PRDM11: variants seen among roughly 807,000 people sequenced by gnomAD.
PRDM11 encodes the protein PR domain-containing protein 11.
A neutral mutation model predicts 97.8 loss-of-function variants in PRDM11; 20 were observed. The ratio of observed to expected loss-of-function variants is 0.20; its 90% CI spans 0.14 to 0.30. The LOEUF (loss-of-function observed/expected upper bound fraction) is 0.30. PRDM11 is among the 10% of genes least tolerant of loss of function. The probability of loss-of-function intolerance (pLI) is 1.00; values close to 1 mark genes in which losing one functional copy is unlikely to be tolerated. For missense variants in PRDM11, 1,139 were observed against 1,555.2 expected, an observed-to-expected ratio of 0.73 and a Z score of 4.50; for synonymous variants, 599 against 637.7, an observed-to-expected ratio of 0.94 and a Z score of 0.91.
At chr11:45,184,857 C>T (rs985835530) in intron 4 of PRDM11, among the ~76,000 whole-genome samples, 47 of 151,904 alleles carry the variant, frequency 3.1e-4, no homozygotes, top group Admixed American at 1.4e-3. Context: ...GGGTGTGGAG[C>T]GCAGAACCTA....
chr11:45,228,631 G>A lies in PRDM11; in HGVS notation c.*472G>A, dbSNP rs987401524. 18 of 152,128 alleles carry A rather than the reference G, an allele frequency of 1.2e-4. No homozygotes were observed. Among genetic ancestry groups the A allele is most frequent in the African/African-American group, 3.6e-4 (15 of 41,414 alleles). 9.4% of individuals were successfully genotyped at this position (152,128 alleles called of 1,614,324 possible). A position where few individuals can be genotyped will look rare whatever the true frequency, so the allele number is the denominator to read the frequency against. On this transcript the variant is annotated 3_prime_UTR_variant, in exon 8 of 8. Coordinates refer to ENST00000683152, the MANE Select transcript of PRDM11 (RefSeq NM_001384648.1). ...TTTTATGATGGGAGGGAGCTCCTCA[G>A]CCTCCTCATTGACATTCTGGTCCGG...
At chr11:45,107,329 C>T (rs991504594) in intron 1 of PRDM11, among the ~76,000 whole-genome samples, 7 of 152,192 alleles carry the variant, frequency 4.6e-5, no homozygotes, top group Non-Finnish European at 8.8e-5. Context: ...ACCTGCAAAA[C>T]GGGGCTAATT....
At chr11:45,179,691 T>C (rs1852419512) in intron 1 of PRDM11, among the ~76,000 whole-genome samples, 1 of 152,180 alleles carries the variant, frequency 6.6e-6, no homozygotes, top group African/African-American at 2.4e-5. Flanking sequence ...TGACCTCAAT[T>C]AATCTTGATC....
intron 1 of PRDM11, among the ~76,000 whole-genome samples, chr11:45,156,033 A>G (rs1374751953): frequency 6.6e-6 from 1 of 152,142 alleles, no homozygotes; most frequent in East Asian, 1.9e-4. Context: ...CAGGATATGA[A>G]CCTAGGTCTG....
At position 45,230,417 on chromosome 11, in the gene PRDM11, C is replaced by T. The variant is rs1295499261; in HGVS notation, c.*2258C>T. On this transcript the variant is annotated 3_prime_UTR_variant, in exon 8 of 8. Coordinates refer to ENST00000683152, the MANE Select transcript of PRDM11 (RefSeq NM_001384648.1). ...CTTCTGAGGCTTTGAGATTCCCAGC[C>T]CCATTCCACTTCCCCACTTTAAACT... The T allele has an allele frequency of 6.6e-6, 1 of 152,166 alleles. No individual in the cohort carries two copies. The highest frequency in any genetic ancestry group is 2.4e-5 in the African/African-American group (1 of 41,414). 9.4% of individuals were successfully genotyped at this position (152,166 alleles called of 1,614,324 possible). A position where few individuals can be genotyped will look rare whatever the true frequency, so the allele number is the denominator to read the frequency against.
intron 1 of PRDM11, among the ~76,000 whole-genome samples, chr11:45,157,006 G>T (rs1772522015): frequency 6.6e-6 from 1 of 152,156 alleles, no homozygotes; most frequent in Admixed American, 6.5e-5. Flanking sequence ...CAGGCCGGGA[G>T]GGCCTTGAAT....
At chr11:45,148,639 C>G (rs549055042) in intron 1 of PRDM11, among the ~76,000 whole-genome samples, 130 of 152,318 alleles carry the variant, frequency 8.5e-4, no homozygotes, top group Middle Eastern at 3.4e-3. Flanking sequence ...CACCTCTGCA[C>G]TTATGGACTC....
intron 1 of PRDM11, among the ~76,000 whole-genome samples, chr11:45,127,479 G>T (rs1852602195): frequency 6.6e-6 from 1 of 152,130 alleles, no homozygotes; most frequent in African/African-American, 2.4e-5. Context: ...ATCTACTTTT[G>T]GTCTTTGATG....
chr11:45,114,533 T>G (rs567601010), intron 1 of PRDM11, among the ~76,000 whole-genome samples: 1 of 152,236 alleles, frequency 6.6e-6, no homozygotes, highest in East Asian at 1.9e-4. Context: ...TTTGATAAAC[T>G]GTCCCAAACT....
intron 4 of PRDM11, among the ~76,000 whole-genome samples, chr11:45,188,472 A>C (rs140149006): frequency 6.6e-6 from 1 of 152,082 alleles, no homozygotes; most frequent in African/African-American, 2.4e-5. Flanking sequence ...GCCTCTTCTT[A>C]CCTCCTTGCC....
At chr11:45,138,754 A>G (rs567837767) in intron 1 of PRDM11, among the ~76,000 whole-genome samples, 3 of 152,264 alleles carry the variant, frequency 2.0e-5, no homozygotes, top group Non-Finnish European at 2.9e-5. Context: ...AAACAAAAAG[A>G]GCAATCAGAA....
intron 1 of PRDM11, among the ~76,000 whole-genome samples, chr11:45,160,058 G>A (rs1475725725): frequency 2.0e-5 from 3 of 152,206 alleles, no homozygotes; most frequent in African/African-American, 7.2e-5. Context: ...CTGATGCTCT[G>A]TGCTTCCTTA....
rs780392397 is a variant in PRDM11 at position 45,226,681 on chromosome 11, C to T, written c.2056C>T (p.Pro686Ser). Residue 686 changes from proline (P) to serine (S), a missense_variant, in exon 8 of 8, where the codon CCC becomes TCC. Pro to Ser is a moderately conservative substitution (Grantham distance 74). Transcript: ENST00000683152. ...VYVQYTSSDGPPATEFLSLQE... is the reference protein window; with the variant it reads ...VYVQYTSSDGSPATEFLSLQE... ...TGTTCAGTACACCAGCAGTGATGGG[C>T]CCCCGGCCACAGAGTTCCTGTCCCT... 3.2e-5 allele frequency: 49 copies of T among 1,533,852 alleles called. No individual in the cohort carries two copies. The highest frequency in any genetic ancestry group is 4.0e-5 in the Non-Finnish European group (46 of 1,146,740).
intron 1 of PRDM11, among the ~76,000 whole-genome samples, chr11:45,130,992 GAC>G (rs1481030092): frequency 1.3e-5 from 2 of 152,142 alleles, no homozygotes; most frequent in Non-Finnish European, 2.9e-5. Context: ...CCAAGAGTTA[GAC>G]ACAACTCAAA....
In PRDM11 at chr11:45,191,386, T is replaced by C. The variant is rs907252380; in HGVS notation, c.486+8263T>C. Among the ~76,000 whole-genome samples, 38 of 152,306 alleles carry C rather than the reference T, an allele frequency of 2.5e-4. 1 individual carries two copies. The highest frequency in any genetic ancestry group is 2.4e-3 in the Admixed American group (36 of 15,300). On this transcript the variant is annotated intron_variant, in intron 4 of 7. Transcript: ENST00000683152. ...CAATTATTATTCATGGTTAAAATGATTTTTCTATTTTTTCTCTTCTACATT... is the reference window on the plus strand; with the variant it reads ...CAATTATTATTCATGGTTAAAATGACTTTTCTATTTTTTCTCTTCTACATT...
chr11:45,164,892 G>A lies in PRDM11; in HGVS notation c.-6-16869G>A, dbSNP rs569183176. On this transcript the variant is annotated intron_variant, in intron 1 of 7. Transcript: ENST00000683152. Reference sequence around the variant, plus strand: ...AAAGGAAAATCCCAAAGGCCTCATTGTGCAGATGGGTAAACTGAGGCTCAG... The same window carrying A: ...AAAGGAAAATCCCAAAGGCCTCATTATGCAGATGGGTAAACTGAGGCTCAG... Among the ~76,000 whole-genome samples, 5 of 152,266 alleles carry A rather than the reference G, an allele frequency of 3.3e-5. No individual in the cohort carries two copies. The South Asian group carries it at 1.0e-3, about 32-fold the overall frequency.
At chr11:45,196,277 C>T (rs1191348819) in intron 4 of PRDM11, among the ~76,000 whole-genome samples, 1 of 152,184 alleles carries the variant, frequency 6.6e-6, no homozygotes, top group South Asian at 2.1e-4. Flanking sequence ...ATCTCTTGTT[C>T]ATTTCAGTGG....
chr11:45,213,598 GAGA>G (rs932901665), intron 5 of PRDM11: 6 of 456,498 alleles, frequency 1.3e-5, no homozygotes, highest in Admixed American at 2.3e-5. Context: ...TTGGAGTGGG[GAGA>G]AGAATGGGAT....
At chr11:45,182,521 G>A (rs1291672868) in intron 3 of PRDM11, among the ~76,000 whole-genome samples, 172 bp downstream of exon 3, 1 of 152,144 alleles carries the variant, frequency 6.6e-6, no homozygotes. Context: ...GCTATTGTTA[G>A]CCCCATTTTC....
Sources: allele counts gnomAD v4.1 joint callset (sites outside exome capture counted in the v4.1 genomes callset), GRCh38; gene constraint gnomAD v4.1.1; transcripts MANE v1.5; gene names NCBI Gene and HGNC (gene_info 2026-07-23, HGNC 2026-07-21).